Variants in PDE1C observed in about 807,000 individuals in gnomAD.
PDE1C encodes the protein dual specificity calcium/calmodulin-dependent 3',5'-cyclic nucleotide phosphodiesterase 1C.
PDE1C carries 62 observed loss-of-function variants against 93.1 expected under a neutral mutation model. The ratio of observed to expected loss-of-function variants is 0.67; its 90% CI spans 0.54 to 0.82. PDE1C has a LOEUF of 0.82. Ranked by LOEUF, PDE1C falls within the 40% of genes least tolerant of loss-of-function variation. The probability of loss-of-function intolerance (pLI) is 0.00; values close to 1 mark genes in which losing one functional copy is unlikely to be tolerated. For missense variants in PDE1C, 742 were observed against 884.6 expected, an observed-to-expected ratio of 0.84 and a Z score of 2.04; for synonymous variants, 325 against 310.1, an observed-to-expected ratio of 1.05 and a Z score of -0.50.
chr7:31,795,396 A>G (rs1785162834), intron 16 of PDE1C, among the ~76,000 whole-genome samples: 1 of 151,860 alleles, frequency 6.6e-6, no homozygotes, highest in Non-Finnish European at 1.5e-5. Context: ...AAGAAGCTTT[A>G]TTTTAAACAT....
intron 2 of PDE1C, among the ~76,000 whole-genome samples, chr7:31,885,370 C>A (rs1270406925): frequency 1.3e-5 from 2 of 152,186 alleles, no homozygotes; most frequent in African/African-American, 4.8e-5. Context: ...GTGCTTATGC[C>A]TTCCAACTTT....
In PDE1C at chr7:32,022,557, T is replaced by G. The variant is rs895603209; in HGVS notation, c.128+28997A>C. Among the ~76,000 whole-genome samples, 6 of 152,154 alleles carry G rather than the reference T, an allele frequency of 3.9e-5. No homozygotes were observed. In the East Asian group the frequency reaches 5.8e-4, roughly 15 times the overall value. On this transcript the variant is annotated intron_variant, in intron 2 of 17. Transcript: ENST00000396191. ...TTTAAGGGGAGCACAGAAGGTGGTA[T>G]CGGGCCCCTTTAGTATCTAGGCTTA...
At chr7:32,241,964 G>A (rs376546365) in intron 1 of PDE1C, among the ~76,000 whole-genome samples, 4 of 152,128 alleles carry the variant, frequency 2.6e-5, no homozygotes, top group Non-Finnish European at 4.4e-5. Flanking sequence ...CCTTCTCAGG[G>A]GGATAAGAAT....
At chr7:31,878,914 C>T in intron 4 of PDE1C, 82 bp downstream of exon 4, 1 of 1,374,422 alleles carries the variant, frequency 7.3e-7, no homozygotes, top group Non-Finnish European at 1.0e-6. Flanking sequence ...AGGAAAACTA[C>T]ATTAAAGCAA....
At chr7:31,835,551 T>TGC (rs1053579898) in intron 11 of PDE1C, among the ~76,000 whole-genome samples, 2 of 151,832 alleles carry the variant, frequency 1.3e-5, no homozygotes, top group Non-Finnish European at 2.9e-5. Context: ...TGTGTGTGTG[T>TGC]GTGTGCGTGC....
intron 1 of PDE1C, among the ~76,000 whole-genome samples, chr7:32,062,274 C>A (rs951343029): frequency 2.6e-5 from 4 of 152,198 alleles, no homozygotes; most frequent in Non-Finnish European, 5.9e-5. Flanking sequence ...CCTGTTGGAT[C>A]TACCTCCTAA....
the PDE1C span, chr7:31,656,418 C>T: frequency 1.6e-6 from 1 of 637,126 alleles, no homozygotes; most frequent in African/African-American, 2.0e-5. Flanking sequence ...GTGTTTAATC[C>T]AATGTCCATC....
chr7:31,769,054 C>G (rs1479511698), intron 17 of PDE1C, among the ~76,000 whole-genome samples: 1 of 152,012 alleles, frequency 6.6e-6, no homozygotes, highest in Non-Finnish European at 1.5e-5. Flanking sequence ...CCTCAGCCTC[C>G]CAAAGTGCTG....
chr7:32,115,617 C>A (rs1270359687), intron 3 of PDE1C, among the ~76,000 whole-genome samples: 2 of 151,968 alleles, frequency 1.3e-5, no homozygotes, highest in Non-Finnish European at 2.9e-5. Context: ...ACATGTATCC[C>A]GGAACTTAAA....
chr7:31,696,855 G>C, the PDE1C span: 9 of 1,241,648 alleles, frequency 7.2e-6, no homozygotes, highest in Admixed American at 2.3e-4. Flanking sequence ...AGTAAGTTTG[G>C]AAAGCTATAT....
chr7:31,695,728 T>A, the PDE1C span: 2 of 1,130,794 alleles, frequency 1.8e-6, no homozygotes, highest in Non-Finnish European at 2.5e-6. Context: ...TAAAGTAATT[T>A]GTGCACTCCC....
chr7:31,722,941 A>G, the PDE1C span, among the ~76,000 whole-genome samples: 3 of 152,106 alleles, frequency 2.0e-5, no homozygotes, highest in Non-Finnish European at 2.9e-5. Flanking sequence ...GTTTTCTCAT[A>G]TCTTCATCCT....
chr7:32,078,385 A>G (rs1016584558), intron 3 of PDE1C, among the ~76,000 whole-genome samples: 2 of 152,188 alleles, frequency 1.3e-5, no homozygotes, highest in East Asian at 1.9e-4. Context: ...GACTGGTTCA[A>G]TGGTTTGCTC....
chr7:32,037,073 C>T (rs1192171617), intron 2 of PDE1C, among the ~76,000 whole-genome samples: 1 of 152,156 alleles, frequency 6.6e-6, no homozygotes, highest in Non-Finnish European at 1.5e-5. Flanking sequence ...ACCAGCCTTA[C>T]AAAAGCTGAG....
the PDE1C span, among the ~76,000 whole-genome samples, chr7:31,625,106 TAAG>T: frequency 2.6e-5 from 4 of 152,102 alleles, no homozygotes; most frequent in Non-Finnish European, 5.9e-5. Context: ...TGGCAATCAT[TAAG>T]AAGTCGGGAA....
At chr7:32,403,884 A>G (rs1274714457) in intron 1 of PDE1C, among the ~76,000 whole-genome samples, 1 of 152,110 alleles carries the variant, frequency 6.6e-6, no homozygotes, top group Non-Finnish European at 1.5e-5. Context: ...TCTTTTTTCC[A>G]GTTCTTCTTT....
chr7:32,398,439 A>T (rs1223148442), intron 1 of PDE1C, among the ~76,000 whole-genome samples: 1 of 151,286 alleles, frequency 6.6e-6, no homozygotes, highest in African/African-American at 2.4e-5. Context: ...CCCAGGGTAG[A>T]GTGCAGTGGC....
At chr7:31,877,674 C>T (rs999442056) in intron 5 of PDE1C, among the ~76,000 whole-genome samples, 18 of 148,024 alleles carry the variant, frequency 1.2e-4, no homozygotes, top group Middle Eastern at 3.4e-3. Context: ...TATTTGATCT[C>T]GTATGGCAAA....
At chr7:32,216,452 G>T (rs1365930737) in intron 1 of PDE1C, among the ~76,000 whole-genome samples, 2 of 152,170 alleles carry the variant, frequency 1.3e-5, no homozygotes, top group Non-Finnish European at 2.9e-5. Context: ...TCTCCCCAGT[G>T]CCCAAGTGCC....
Sources: gnomAD v4.1 joint callset for allele counts (sites outside exome capture counted in the v4.1 genomes callset) on GRCh38, gnomAD v4.1.1 for gene constraint, MANE v1.5 for transcripts, NCBI Gene and HGNC (gene_info 2026-07-23, HGNC 2026-07-21) for gene names.